Variants in GTF3C1 observed in about 807,000 individuals in gnomAD.
The protein encoded by GTF3C1 is general transcription factor 3C polypeptide 1.
In GTF3C1, 57 loss-of-function variants were observed where a neutral mutation model predicts 226.7. That is an observed-to-expected ratio of 0.25 (90% CI 0.20 to 0.31). The LOEUF is 0.31. GTF3C1 is among the 10% of genes least tolerant of loss of function. The pLI is 1.00. For synonymous variants in GTF3C1, 1,090 were observed against 1,084.8 expected (o/e 1.00, Z -0.09); for missense variants, 2,217 against 2,776.1 (o/e 0.80, Z 4.53).
rs756313956 is a variant in GTF3C1 at position 27,483,443 on chromosome 16, G to A, written c.4002-318C>T. On this transcript the variant is annotated intron_variant, in intron 25 of 36. Transcript: ENST00000356183. ...ACCATATGGGCTGACCTATGTGAAA[G>A]TGCATCACACATTTAAAAACATCAA... is the stretch of plus-strand genomic sequence containing the variant. 387 of 516,536 alleles carry A rather than the reference G, an allele frequency of 7.5e-4. 3 individuals carry two copies. The highest frequency in any genetic ancestry group is 1.2e-4 in the Non-Finnish European group (33 of 266,952). The allele number at this position is 516,536 out of a possible 1,614,324, so 32.0% of individuals were successfully genotyped here. A position where few individuals can be genotyped will look rare whatever the true frequency, so the allele number is the denominator to read the frequency against.
intron 13 of GTF3C1, among the ~76,000 whole-genome samples, chr16:27,498,247 T>G (rs2088349489): frequency 6.6e-6 from 1 of 152,226 alleles, no homozygotes; most frequent in Non-Finnish European, 1.5e-5. Context: ...GAGACACAGC[T>G]GAGAACTTTC....
intron 1 of GTF3C1, 36 bp from the exon 2 acceptor site, chr16:27,545,559 A>G: frequency 8.4e-7 from 1 of 1,191,462 alleles, no homozygotes; most frequent in Non-Finnish European, 1.3e-6. Context: ...AGCCCAACTC[A>G]GCTTCAGATA....
At chr16:27,547,956 G>A (rs1208327481) in intron 1 of GTF3C1, among the ~76,000 whole-genome samples, 1 of 152,104 alleles carries the variant, frequency 6.6e-6, no homozygotes, top group Non-Finnish European at 1.5e-5. Context: ...CAATTTGGCT[G>A]GAATCTGAAC....
intron 4 of GTF3C1, among the ~76,000 whole-genome samples, chr16:27,534,332 G>A (rs1415142893): frequency 1.3e-5 from 2 of 152,218 alleles, no homozygotes; most frequent in African/African-American, 4.8e-5. Context: ...TCAGGGAGGG[G>A]TGCAGGGAGA....
intron 26 of GTF3C1, among the ~76,000 whole-genome samples, chr16:27,482,198 T>C (rs1024292176): frequency 3.3e-5 from 5 of 152,158 alleles, no homozygotes; most frequent in Non-Finnish European, 5.9e-5. Context: ...TTGTCAACAT[T>C]TGCAACCAGG....
intron 1 of GTF3C1, among the ~76,000 whole-genome samples, chr16:27,548,395 G>A (rs1044970840): frequency 7.9e-5 from 12 of 152,142 alleles, no homozygotes; most frequent in Admixed American, 6.5e-5. Context: ...AGCCTCCTGA[G>A]TAGCTGGGAT....
At chr16:27,516,089 C>T (rs1487976767) in intron 6 of GTF3C1, among the ~76,000 whole-genome samples, 4 of 152,220 alleles carry the variant, frequency 2.6e-5, no homozygotes, top group African/African-American at 9.6e-5. Context: ...GCACCTAGCA[C>T]AGGGGAGAGG....
chr16:27,499,401 A>G (rs900071310), intron 12 of GTF3C1, among the ~76,000 whole-genome samples: 1 of 152,216 alleles, frequency 6.6e-6, no homozygotes, highest in African/African-American at 2.4e-5. Flanking sequence ...TGAGCACACC[A>G]GCCATGTTGT....
intron 29 of GTF3C1, among the ~76,000 whole-genome samples, chr16:27,475,440 G>A (rs933568126): frequency 6.6e-6 from 1 of 152,132 alleles, no homozygotes; most frequent in Non-Finnish European, 1.5e-5. Context: ...TAGGGTTAGT[G>A]ATTAAATACA....
chr16:27,462,330 C>T lies in GTF3C1; in HGVS notation c.6081G>A (p.Gly2027=), dbSNP rs907667009. Reference sequence around the variant, plus strand: ...CCAGCACGGCGACGGGCTGCAGGACCCCCTGGTAGTGGCGCAGCAGGGAGC... The same window carrying T: ...CCAGCACGGCGACGGGCTGCAGGACTCCCTGGTAGTGGCGCAGCAGGGAGC... ...PESSLLRHYQ[G]VLQPVAVLEL... Residue 2027 remains glycine, a synonymous_variant, in exon 36 of 37, where the codon GGG becomes GGA. Coordinates refer to ENST00000356183, the MANE Select transcript of GTF3C1 (RefSeq NM_001520.4). The surrounding 1 kb of genome is among the most constrained non-coding windows in gnomAD (Gnocchi z 4.5). 3 of 1,565,732 alleles carry T rather than the reference C, an allele frequency of 1.9e-6. No individual in the cohort carries two copies. The highest frequency in any genetic ancestry group is 1.2e-5 in the South Asian group (1 of 85,374).
At position 27,470,780 on chromosome 16, in the gene GTF3C1, A is replaced by G. The variant is rs529585857; in HGVS notation, c.4527-385T>C. On this transcript the variant is annotated intron_variant, in intron 30 of 36. Coordinates refer to ENST00000356183, the MANE Select transcript of GTF3C1 (RefSeq NM_001520.4). The surrounding 1 kb of genome is among the most constrained non-coding windows in gnomAD (Gnocchi z 4.9). ...CACAAAGCCAGCCCTGGTCTTACACATGTGCCCAAGCTGTCTCCACGCAGT... is the reference window on the plus strand; with the variant it reads ...CACAAAGCCAGCCCTGGTCTTACACGTGTGCCCAAGCTGTCTCCACGCAGT... The G allele has an allele frequency of 9.1e-5, 20 of 219,952 alleles. No individual in the cohort carries two copies. The South Asian group carries it at 1.5e-3, about 17-fold the overall frequency. The allele number at this position is 219,952 out of a possible 1,614,324, so 13.6% of individuals were successfully genotyped here.
intron 23 of GTF3C1, among the ~76,000 whole-genome samples, chr16:27,487,676 C>G (rs2088163532): frequency 1.3e-5 from 2 of 152,150 alleles, no homozygotes; most frequent in Admixed American, 1.3e-4. Context: ...GCCTGTAATC[C>G]CAGCTACTTG....
At chr16:27,525,057 A>G (rs1422248305) in intron 6 of GTF3C1, among the ~76,000 whole-genome samples, 1 of 152,180 alleles carries the variant, frequency 6.6e-6, no homozygotes, top group Non-Finnish European at 1.5e-5. Context: ...AGGCTGAGGC[A>G]GGAGAATCAC....
rs2088499017 is a variant in GTF3C1 at position 27,507,185 on chromosome 16, C to G, written c.1243-29G>C. 1 of 1,533,238 alleles carries G rather than the reference C, an allele frequency of 6.5e-7. No individual in the cohort carries two copies. Among genetic ancestry groups the G allele is most frequent in the Non-Finnish European group, 8.9e-7 (1 of 1,124,808 alleles). 95.0% of individuals were successfully genotyped at this position (1,533,238 alleles called of 1,614,324 possible). A position where few individuals can be genotyped will look rare whatever the true frequency, so the allele number is the denominator to read the frequency against. ...GAGGGAATAAGATGTGTTTATCCCA[C>G]TGCAAAGAGGGCGTCATACCCACAG... On this transcript the variant is annotated intron_variant, in intron 8 of 36. Transcript: ENST00000356183. This position sits in a 1 kb window ranked among gnomAD's most constrained non-coding sequence, Gnocchi z 4.9.
In GTF3C1 at chr16:27,461,254, C is replaced by G. The variant is rs2087698716; in HGVS notation, c.*96G>C. ...CCGTCCCCTGCTGCAGGAGGCTCGG[C>G]AGACCCAAGGCCAGGGCACAGTGGG... On this transcript the variant is annotated 3_prime_UTR_variant, in exon 37 of 37. Transcript: ENST00000356183. The surrounding 1 kb of genome is among the most constrained non-coding windows in gnomAD (Gnocchi z 5.3). 2 of 743,262 alleles carry G rather than the reference C, an allele frequency of 2.7e-6. No homozygotes were observed. The highest frequency in any genetic ancestry group is 4.4e-6 in the Non-Finnish European group (2 of 456,250). 46.0% of individuals were successfully genotyped at this position (743,262 alleles called of 1,614,324 possible). A position where few individuals can be genotyped will look rare whatever the true frequency, so the allele number is the denominator to read the frequency against.
intron 6 of GTF3C1, 61 bp from the exon 7 acceptor site, chr16:27,511,962 G>A (rs1459305513): frequency 1.3e-6 from 2 of 1,574,728 alleles, no homozygotes; most frequent in Non-Finnish European, 1.7e-6. Flanking sequence ...TGGGGGAGGT[G>A]AGGGGTTCTG....
chr16:27,464,452 G>C lies in GTF3C1; in HGVS notation c.5740C>G (p.Pro1914Ala), dbSNP rs1391274413. Reference protein sequence around the residue: ...GAEAQAPSPPPALEDTAAAGA... With the variant: ...GAEAQAPSPPAALEDTAAAGA... ...GCTGCAGCGGTGTCTTCAAGAGCTG[G>C]GGGTGGAGATGGGGCCTGGGCTTCT... The change falls in exon 34 of 37, where the codon CCA becomes GCA. Residue 1914 changes from proline (P) to alanine (A), a missense_variant. Physicochemically the swap from Pro to Ala is conservative, Grantham distance 27. Transcript: ENST00000356183. 6.3e-7 allele frequency: 1 copy of C among 1,599,314 alleles called. No individual in the cohort carries two copies. Among genetic ancestry groups the C allele is most frequent in the South Asian group, 1.1e-5 (1 of 88,714 alleles).
Position 27,470,658 on chromosome 16 carries a change from T to C in GTF3C1, c.4527-263A>G. ...AATTCAATGTGGCCTCACCTGGCGC[T>C]CCAGGAGGGCGCTGGCAGGCTCACC... On this transcript the variant is annotated intron_variant, in intron 30 of 36. Transcript: ENST00000356183. This position sits in a 1 kb window ranked among gnomAD's most constrained non-coding sequence, Gnocchi z 4.9. The C allele has an allele frequency of 2.1e-6, 1 of 470,944 alleles. No homozygotes were observed. Among genetic ancestry groups the C allele is most frequent in the Non-Finnish European group, 3.9e-6 (1 of 259,398 alleles). 29.2% of individuals were successfully genotyped at this position (470,944 alleles called of 1,614,324 possible). A position where few individuals can be genotyped will look rare whatever the true frequency, so the allele number is the denominator to read the frequency against.
intron 2 of GTF3C1, among the ~76,000 whole-genome samples, chr16:27,538,971 TACACACACACAC>T (rs59679436): frequency 2.1e-3 from 259 of 124,614 alleles, no homozygotes; most frequent in African/African-American, 7.5e-3. Context: ...TACACACATA[TACACACACACAC>T]ACACACACAC....
Sources: allele counts gnomAD v4.1 joint callset (sites outside exome capture counted in the v4.1 genomes callset), GRCh38; gene constraint gnomAD v4.1.1; non-coding constraint Gnocchi (gnomAD v3.1); transcripts MANE v1.5; gene names NCBI Gene and HGNC (gene_info 2026-07-23, HGNC 2026-07-21).